The following DPH5 variants were observed in gnomAD, a reference collection of about 807,000 sequenced individuals.
DPH5 encodes diphthamide biosynthesis 5.
Under a neutral mutation model 31.6 loss-of-function variants are expected in DPH5, and 31 were observed. That is an observed-to-expected ratio of 0.98 (90% CI 0.74 to 1.32). DPH5 has a LOEUF of 1.32. DPH5 is among the 40% of genes most tolerant of loss of function. The pLI is 0.00. For missense variants in DPH5, 309 were observed against 335.7 expected (o/e 0.92, Z 0.62); for synonymous variants, 120 against 115.0 (o/e 1.04, Z -0.28).
chr1:101,025,549 T>C (rs756419656), intron 1 of DPH5, 83 bp from the exon 2 acceptor site: 14 of 1,398,860 alleles, frequency 1.0e-5, no homozygotes, highest in Non-Finnish European at 1.4e-5. Context: ...ACAACCAAAG[T>C]AGCACAAGAG....
chr1:101,016,571 G>A (rs764463327), intron 3 of DPH5, among the ~76,000 whole-genome samples: 38 of 150,760 alleles, frequency 2.5e-4, no homozygotes, highest in Non-Finnish European at 4.1e-4. Flanking sequence ...TCAGCCTCTC[G>A]GGTAGCTGGG....
chr1:101,016,467 C>T (rs1323921730), intron 3 of DPH5, among the ~76,000 whole-genome samples: 3 of 145,016 alleles, frequency 2.1e-5, no homozygotes, highest in Non-Finnish European at 3.0e-5. Flanking sequence ...TTTTTTGACA[C>T]GGAATCTCAC....
chr1:101,000,601 T>G (rs2101180801), intron 5 of DPH5, among the ~76,000 whole-genome samples: 1 of 152,310 alleles, frequency 6.6e-6, no homozygotes, highest in South Asian at 2.1e-4. Context: ...AACTAGTAAG[T>G]AGTAGCACTG....
Position 100,995,139 on chromosome 1 carries a change from T to C in DPH5, c.501A>G (p.Val167=), listed in dbSNP as rs1658229658. 1.9e-6 allele frequency: 3 copies of C among 1,575,508 alleles called. No individual in the cohort carries two copies. The highest frequency in any genetic ancestry group is 4.5e-5 in the East Asian group (2 of 44,538). Residue 167 remains valine (V), a synonymous_variant, in exon 6 of 8, where the codon GTA becomes GTG. Coordinates refer to ENST00000370109, the MANE Select transcript of DPH5 (RefSeq NM_015958.3). Reference sequence around the variant, plus strand: ...TTAGATTTTCCAAAGACTGCTCCTTTACTTTGATGTCTGTAGGAAGTAAAA... The same window carrying C: ...TTAGATTTTCCAAAGACTGCTCCTTCACTTTGATGTCTGTAGGAAGTAAAA... ...MHTLCLLDIK[V]KEQSLENLIK... is the part of the protein sequence containing the mutation.
At chr1:101,005,188 A>T (rs1272829065) in intron 4 of DPH5, among the ~76,000 whole-genome samples, 1 of 152,224 alleles carries the variant, frequency 6.6e-6, no homozygotes, top group Non-Finnish European at 1.5e-5. Context: ...TATAACAAAT[A>T]AAAATATTTT....
At chr1:100,995,350 C>T (rs1658250013) in intron 5 of DPH5, 1 of 452,606 alleles carries the variant, frequency 2.2e-6, no homozygotes, top group Non-Finnish European at 4.0e-6. Flanking sequence ...ATGAACTTGG[C>T]CCTGAGACCA....
chr1:100,994,969 A>G (rs1658210854), intron 6 of DPH5, 141 bp downstream of exon 6: 3 of 592,664 alleles, frequency 5.1e-6, no homozygotes, highest in Non-Finnish European at 9.0e-6. Flanking sequence ...ATCATTTCGT[A>G]AGAATAAAAA....
chr1:100,999,509 A>G (rs1205133257), intron 5 of DPH5, among the ~76,000 whole-genome samples: 2 of 152,142 alleles, frequency 1.3e-5, no homozygotes, highest in Non-Finnish European at 2.9e-5. Context: ...ATTGTTAAAT[A>G]ATAGAGATTG....
At chr1:101,022,615 G>A (rs1425751924) in intron 2 of DPH5, among the ~76,000 whole-genome samples, 1 of 152,152 alleles carries the variant, frequency 6.6e-6, no homozygotes, top group South Asian at 2.1e-4. Flanking sequence ...AATTCAAATG[G>A]AGTAAAACTG....
chr1:101,009,265 C>G (rs1659463737), intron 4 of DPH5, among the ~76,000 whole-genome samples: 1 of 152,144 alleles, frequency 6.6e-6, no homozygotes, highest in Non-Finnish European at 1.5e-5. Flanking sequence ...TGGCACAGGG[C>G]TCTTAGTGAC....
At chr1:101,002,725 G>T (rs926126741) in intron 4 of DPH5, among the ~76,000 whole-genome samples, 24 of 151,924 alleles carry the variant, frequency 1.6e-4, no homozygotes, top group African/African-American at 5.8e-4. Flanking sequence ...CTCAGCCTTG[G>T]GTTCTTCAAT....
intron 7 of DPH5, among the ~76,000 whole-genome samples, chr1:100,991,154 A>G (rs2101129505): frequency 6.6e-6 from 1 of 152,354 alleles, no homozygotes; most frequent in South Asian, 2.1e-4. Flanking sequence ...AATGAGAGCT[A>G]AGATAGTAGA....
intron 5 of DPH5, 137 bp from the exon 6 acceptor site, chr1:100,995,286 G>GT (rs2101153536): frequency 3.7e-6 from 2 of 543,852 alleles, no homozygotes; most frequent in East Asian, 6.2e-5. Flanking sequence ...CTTTCTTACA[G>GT]TAACATAGAG....
chr1:100,995,160 T>TA lies in DPH5; in HGVS notation c.491-12dup, dbSNP rs770005546. The TA allele has an allele frequency of 3.2e-6, 5 of 1,548,392 alleles. No homozygotes were observed. Among genetic ancestry groups the TA allele is most frequent in the Admixed American group, 1.7e-5 (1 of 59,418 alleles). ...CCTTTACTTTGATGTCTGTAGGAAGTAAAAATAGTTCTTTTAATTTAATTA... is the reference window on the plus strand; with the variant it reads ...CCTTTACTTTGATGTCTGTAGGAAGTAAAAAATAGTTCTTTTAATTTAATTA... On this transcript the variant is annotated splice_polypyrimidine_tract_variant and intron_variant, in intron 5 of 7. Transcript: ENST00000370109.
rs769802043 is a variant in DPH5, at chr1:101,021,791, A to C, written c.136-26T>G. ...CTACAGATATAAGTCCAATATCAAG[A>C]TAAAGAGACAGCAGGTGACCATTCT... On this transcript the variant is annotated intron_variant, in intron 2 of 7. Coordinates refer to ENST00000370109, the MANE Select transcript of DPH5 (RefSeq NM_015958.3). 4 of 1,599,612 alleles carry C rather than the reference A, an allele frequency of 2.5e-6. No individual in the cohort carries two copies. The Admixed American group carries it at 6.8e-5, about 27-fold the overall frequency.
chr1:101,018,013 A>T (rs1660193408), intron 3 of DPH5, among the ~76,000 whole-genome samples: 1 of 152,220 alleles, frequency 6.6e-6, no homozygotes, highest in East Asian at 1.9e-4. Flanking sequence ...ATACATATAC[A>T]CACAAACAAA....
chr1:101,008,885 C>T lies in DPH5; in HGVS notation c.369+4825G>A, dbSNP rs372993102. 2.6e-5 allele frequency among the ~76,000 whole-genome samples: 4 copies of T among 152,314 alleles called. No homozygotes were observed. In the South Asian group the frequency reaches 6.2e-4, roughly 24 times the overall value. Reference sequence around the variant, plus strand: ...TTAGTAAATTACCACGCTGTGCAACCACTGCCATACTTAGTTTTAGAACAT... The same window carrying T: ...TTAGTAAATTACCACGCTGTGCAACTACTGCCATACTTAGTTTTAGAACAT... On this transcript the variant is annotated intron_variant, in intron 4 of 7. Coordinates refer to ENST00000370109, the MANE Select transcript of DPH5 (RefSeq NM_015958.3).
chr1:101,008,172 T>A (rs1659373317), intron 4 of DPH5, among the ~76,000 whole-genome samples: 1 of 152,242 alleles, frequency 6.6e-6, no homozygotes, highest in South Asian at 2.1e-4. Flanking sequence ...GTAATTTTCA[T>A]ACATCTTACT....
intron 4 of DPH5, among the ~76,000 whole-genome samples, chr1:101,005,660 C>T (rs1222434881): frequency 6.6e-6 from 1 of 152,110 alleles, no homozygotes; most frequent in Non-Finnish European, 1.5e-5. Flanking sequence ...AGATCGAACT[C>T]CAGGGTGGAA....
Sources: gnomAD v4.1 joint callset for allele counts (sites outside exome capture counted in the v4.1 genomes callset) on GRCh38, gnomAD v4.1.1 for gene constraint, MANE v1.5 for transcripts, NCBI Gene and HGNC (gene_info 2026-07-23, HGNC 2026-07-21) for gene names.